The following EML4 variants were observed in gnomAD, a reference collection of about 807,000 sequenced individuals.
EML4 encodes echinoderm microtubule-associated protein-like 4.
EML4 carries 72 observed loss-of-function variants against 129.0 expected under a neutral mutation model. The observed-to-expected ratio is 0.56, with a 90% CI of 0.46 to 0.68. EML4 has a LOEUF of 0.68. Among genes scored for constraint, EML4 ranks in the 30% least tolerant of loss-of-function variants. EML4 has a pLI of 0.00. For missense variants in EML4, 1,363 were observed against 1,190.6 expected, an observed-to-expected ratio of 1.14 and a Z score of -2.13; for synonymous variants, 532 against 405.0, an observed-to-expected ratio of 1.31 and a Z score of -3.77.
At chr2:42,264,614 A>G in intron 5 of EML4, 92 bp from the exon 6 acceptor site, 1 of 758,854 alleles carries the variant, frequency 1.3e-6, no homozygotes, top group Non-Finnish European at 2.2e-6. Flanking sequence ...TTATAGCCTA[A>G]GCATTAAAAC....
chr2:42,264,747 T>G lies in EML4; in HGVS notation c.667+16T>G. 6.9e-7 allele frequency: 1 copy of G among 1,459,040 alleles called. No individual in the cohort carries two copies. The highest frequency in any genetic ancestry group is 9.5e-7 in the Non-Finnish European group (1 of 1,056,636). 90.4% of individuals were successfully genotyped at this position (1,459,040 alleles called of 1,614,324 possible). ...ATCAACCAAGGTAAATTAAAAATCC[T>G]TTTAAAAATTTTATTTTGCCCTTCT... On this transcript the variant is annotated intron_variant, in intron 6 of 22. Coordinates refer to ENST00000318522, the MANE Select transcript of EML4 (RefSeq NM_019063.5).
chr2:42,188,320 C>T (rs1038206270), intron 1 of EML4, among the ~76,000 whole-genome samples: 1 of 152,160 alleles, frequency 6.6e-6, no homozygotes, highest in African/African-American at 2.4e-5. Flanking sequence ...CTCCTGGGCT[C>T]AGGTGATCCT....
At chr2:42,234,870 T>C (rs1466400828) in intron 1 of EML4, among the ~76,000 whole-genome samples, 1 of 152,248 alleles carries the variant, frequency 6.6e-6, no homozygotes, top group African/African-American at 2.4e-5. Flanking sequence ...AAAACAATTA[T>C]CTAGGCCGGG....
chr2:42,236,903 T>C (rs1674713538), intron 1 of EML4, among the ~76,000 whole-genome samples: 1 of 152,202 alleles, frequency 6.6e-6, no homozygotes, highest in Non-Finnish European at 1.5e-5. Flanking sequence ...CTTTCCAAGA[T>C]TATTAATGAG....
At chr2:42,203,539 C>T (rs1269499042) in intron 1 of EML4, among the ~76,000 whole-genome samples, 4 of 151,996 alleles carry the variant, frequency 2.6e-5, no homozygotes, top group African/African-American at 7.2e-5. Flanking sequence ...TGGACGGCAT[C>T]ATTACCTATG....
chr2:42,300,595 A>G (rs1465699520), intron 13 of EML4, among the ~76,000 whole-genome samples: 1 of 152,190 alleles, frequency 6.6e-6, no homozygotes, highest in East Asian at 1.9e-4. Context: ...CACTGCAGGT[A>G]TCCATTGCCT....
At chr2:42,179,267 T>G (rs1400990429) in intron 1 of EML4, among the ~76,000 whole-genome samples, 11 of 151,430 alleles carry the variant, frequency 7.3e-5, no homozygotes, top group Non-Finnish European at 1.5e-4. Context: ...AGCTGGGTTT[T>G]TTTTTTTTTT....
At chr2:42,236,025 G>A (rs1427867994) in intron 1 of EML4, among the ~76,000 whole-genome samples, 1 of 151,952 alleles carries the variant, frequency 6.6e-6, no homozygotes, top group African/African-American at 2.4e-5. Context: ...TTTTAATCAC[G>A]TAGATGTTCC....
chr2:42,303,958 C>A (rs911864001), intron 16 of EML4, among the ~76,000 whole-genome samples: 1 of 152,006 alleles, frequency 6.6e-6, no homozygotes, highest in Non-Finnish European at 1.5e-5. Context: ...AAGTTAGCAG[C>A]GTAAAAGCTC....
chr2:42,201,467 C>T (rs914156839), intron 1 of EML4, among the ~76,000 whole-genome samples: 2 of 152,228 alleles, frequency 1.3e-5, no homozygotes, highest in Non-Finnish European at 2.9e-5. Context: ...AAAAGTATAA[C>T]GCTTTCTGTG....
intron 21 of EML4, 108 bp from the exon 22 acceptor site, chr2:42,328,778 G>C: frequency 2.3e-6 from 2 of 857,556 alleles, no homozygotes; most frequent in Non-Finnish European, 3.4e-6. Context: ...CTAAGAGTTT[G>C]AACATAGATA....
At chr2:42,240,849 G>A (rs996835658) in intron 1 of EML4, among the ~76,000 whole-genome samples, 4 of 152,118 alleles carry the variant, frequency 2.6e-5, no homozygotes, top group Non-Finnish European at 5.9e-5. Context: ...TTGGTAAATA[G>A]CAAACAGATG....
At chr2:42,240,426 A>G (rs944115004) in intron 1 of EML4, among the ~76,000 whole-genome samples, 1 of 152,100 alleles carries the variant, frequency 6.6e-6, no homozygotes, top group African/African-American at 2.4e-5. Flanking sequence ...TTATATATAC[A>G]TATGTGTGTG....
At chr2:42,309,559 A>G (rs1668814276) in intron 17 of EML4, among the ~76,000 whole-genome samples, 1 of 151,688 alleles carries the variant, frequency 6.6e-6, no homozygotes, top group Non-Finnish European at 1.5e-5. Flanking sequence ...TTGCCAGTAC[A>G]TATTATCTGT....
chr2:42,250,947 G>C (rs1675725992), intron 2 of EML4, among the ~76,000 whole-genome samples: 1 of 152,160 alleles, frequency 6.6e-6, no homozygotes, highest in Non-Finnish European at 1.5e-5. Flanking sequence ...TCTCATAGGA[G>C]CATGCAACCT....
chr2:42,290,162 C>T (rs1431520344), intron 11 of EML4, among the ~76,000 whole-genome samples: 1 of 151,854 alleles, frequency 6.6e-6, no homozygotes, highest in African/African-American at 2.4e-5. Context: ...GAAGAGAAAA[C>T]CTCTAGTAAA....
intron 1 of EML4, among the ~76,000 whole-genome samples, chr2:42,188,533 T>C (rs1671397982): frequency 6.7e-6 from 1 of 149,438 alleles, no homozygotes; most frequent in Non-Finnish European, 1.5e-5. Context: ...ACTTATATTT[T>C]AGGGTTTACT....
intron 1 of EML4, chr2:42,208,019 A>G (rs948396967): frequency 2.0e-5 from 3 of 152,234 alleles, no homozygotes; most frequent in African/African-American, 7.2e-5. Flanking sequence ...GGACATCAGT[A>G]TGCGAGAGCG....
chr2:42,260,051 G>A (rs1558549799), intron 3 of EML4, among the ~76,000 whole-genome samples: 1 of 149,966 alleles, frequency 6.7e-6, no homozygotes, highest in Non-Finnish European at 1.5e-5. Context: ...TTTTTAAAGA[G>A]ACAGAGTCTC....
Sources: allele counts gnomAD v4.1 joint callset (sites outside exome capture counted in the v4.1 genomes callset), GRCh38; gene constraint gnomAD v4.1.1; transcripts MANE v1.5; gene names NCBI Gene and HGNC (gene_info 2026-07-23, HGNC 2026-07-21).